The following ORMDL1 variants were observed in gnomAD, a reference collection of about 807,000 sequenced individuals.
ORMDL1 encodes the protein ORM1-like protein 1.
Under a neutral mutation model 13.0 loss-of-function variants are expected in ORMDL1, and 10 were observed. The ratio of observed to expected loss-of-function variants is 0.77; its 90% confidence interval spans 0.47 to 1.30. ORMDL1 has a LOEUF of 1.30. Ranked by LOEUF, ORMDL1 falls within the 50% of genes most tolerant of loss-of-function variation. The pLI is 0.00. For synonymous variants in ORMDL1, 61 were observed against 63.9 expected (o/e 0.95, Z 0.22); for missense variants, 171 against 186.7 (o/e 0.92, Z 0.49).
At chr2:189,769,801 AG>A (rs745867300), downstream of ORMDL1, among the ~76,000 whole-genome samples, 17 of 152,210 alleles carry the variant, frequency 1.1e-4, no homozygotes, top group Non-Finnish European at 2.5e-4. Flanking sequence ...AATCATCACT[AG>A]AACTCCACAA....
At chr2:189,766,118 C>T (rs545297254), downstream of ORMDL1, among the ~76,000 whole-genome samples, 14 of 152,310 alleles carry the variant, frequency 9.2e-5, no homozygotes, top group African/African-American at 3.4e-4. Flanking sequence ...AGCCACCACG[C>T]CCAGCCCATC....
downstream of ORMDL1, among the ~76,000 whole-genome samples, chr2:189,767,583 T>A (rs969525912): frequency 1.1e-4 from 17 of 152,336 alleles, no homozygotes; most frequent in African/African-American, 4.1e-4. Context: ...CTTAAAACTA[T>A]TTTACAATGT....
At chr2:189,768,763 A>G (rs1384255492), downstream of ORMDL1, among the ~76,000 whole-genome samples, 1 of 152,154 alleles carries the variant, frequency 6.6e-6, no homozygotes, top group Non-Finnish European at 1.5e-5. Context: ...ATATCTGATC[A>G]CCTCTTGTAT....
chr2:189,769,414 A>AGG (rs2047535341), downstream of ORMDL1, among the ~76,000 whole-genome samples: 1 of 151,660 alleles, frequency 6.6e-6, no homozygotes, highest in Non-Finnish European at 1.5e-5. Flanking sequence ...AAGTTAAGGC[A>AGG]GGGGGTTGAA....
In ORMDL1 at chr2:189,771,798, C is replaced by T. The variant is rs1185700512; in HGVS notation, c.431G>A (p.Gly144Asp). The change falls in exon 5 of 5, where the codon GGT becomes GAT. Residue 144 changes from glycine to aspartate, a missense_variant. Physicochemically the swap from Gly to Asp is moderately conservative, Grantham distance 94. Coordinates refer to ENST00000392349, the MANE Select transcript of ORMDL1 (RefSeq NM_016467.5). The stretch of plus-strand genomic sequence containing the variant: ...CTTATTAATTCCAAAGATCCGAACA[C>T]CATGTAGTTGTGGCATTTTGGGAAT... ...VLIPKMPQLH[G>D]VRIFGINKY 19 of 1,610,746 alleles carry T rather than the reference C, an allele frequency of 1.2e-5. No homozygotes were observed. Among genetic ancestry groups the T allele is most frequent in the African/African-American group, 2.7e-5 (2 of 74,668 alleles).
chr2:189,773,696 T>C lies in ORMDL1; in HGVS notation c.327-1794A>G, dbSNP rs189798339. ...AAGATTATGCCACTGCACTCCGGCC[T>C]GGGCAGCAGAGCAAGACTCTTGTCT... On this transcript the variant is annotated intron_variant, in intron 4 of 4. Coordinates refer to ENST00000392349, the MANE Select transcript of ORMDL1 (RefSeq NM_016467.5). 6.8e-4 allele frequency among the ~76,000 whole-genome samples: 68 copies of C among 99,444 alleles called. 1 individual carries two copies. In the East Asian group the frequency reaches 0.018, roughly 26 times the overall value. 65.2% of individuals were successfully genotyped at this position (99,444 alleles called of 152,430 possible).
intron 1 of ORMDL1, among the ~76,000 whole-genome samples, chr2:189,783,909 G>T (rs547697253): frequency 6.6e-6 from 1 of 152,254 alleles, no homozygotes; most frequent in East Asian, 1.9e-4. Flanking sequence ...TGCCCTCGCC[G>T]GTGCCTCCGA....
intron 4 of ORMDL1, 129 bp downstream of exon 4, chr2:189,775,436 T>C (rs1162032903): frequency 9.9e-7 from 1 of 1,005,612 alleles, no homozygotes; most frequent in Non-Finnish European, 1.4e-6. Context: ...ATATTTTATG[T>C]TCTATCCGAG....
intron 3 of ORMDL1, among the ~76,000 whole-genome samples, chr2:189,776,377 CAT>C (rs1315943424): frequency 1.3e-5 from 2 of 152,044 alleles, no homozygotes; most frequent in African/African-American, 2.4e-5. Context: ...TCTGTCAGAT[CAT>C]ATGTCTAAAC....
At chr2:189,764,180 G>C in the ORMDL1 span, 2 of 152,162 alleles carry the variant, frequency 1.3e-5, no homozygotes, top group African/African-American at 4.8e-5. Context: ...AGGGAAAAAA[G>C]AAAAATTAAA....
intron 4 of ORMDL1, among the ~76,000 whole-genome samples, chr2:189,773,211 G>A (rs1200629979): frequency 6.6e-6 from 1 of 152,142 alleles, no homozygotes; most frequent in Non-Finnish European, 1.5e-5. Context: ...AATTTTGTGT[G>A]TAGATTATAT....
At chr2:189,783,540 G>C (rs763755297) in intron 1 of ORMDL1, 1 of 152,260 alleles carries the variant, frequency 6.6e-6, no homozygotes, top group Admixed American at 6.5e-5. Context: ...AATGTTTCCG[G>C]AGTATAATGC....
chr2:189,782,092 G>A (rs950410874), intron 3 of ORMDL1, among the ~76,000 whole-genome samples: 2 of 151,970 alleles, frequency 1.3e-5, no homozygotes, highest in Non-Finnish European at 2.9e-5. Flanking sequence ...ACAGGCATGC[G>A]CCACCATGCC....
At position 189,770,343 on chromosome 2, in the gene ORMDL1, A is replaced by C. The variant is rs192928152; in HGVS notation, c.*1424T>G. ...TGAAATAATATTACACCAACGAAAA[A>C]TTTTATTAAATTATAGATCACCAGT... is the stretch of plus-strand genomic sequence containing the variant. On this transcript the variant is annotated 3_prime_UTR_variant, in exon 5 of 5. Transcript: ENST00000392349. 6.6e-6 allele frequency: 1 copy of C among 152,312 alleles called. No homozygotes were observed. Among genetic ancestry groups the C allele is most frequent in the East Asian group, 1.9e-4 (1 of 5,186 alleles). 9.4% of individuals were successfully genotyped at this position (152,312 alleles called of 1,614,324 possible).
At chr2:189,772,739 C>T (rs2047606362) in intron 4 of ORMDL1, among the ~76,000 whole-genome samples, 1 of 152,146 alleles carries the variant, frequency 6.6e-6, no homozygotes, top group South Asian at 2.1e-4. Context: ...TAGGTCTTTG[C>T]AGTACGCAAG....
At chr2:189,776,734 T>C (rs2047705881) in intron 3 of ORMDL1, among the ~76,000 whole-genome samples, 1 of 152,150 alleles carries the variant, frequency 6.6e-6, no homozygotes, top group South Asian at 2.1e-4. Context: ...TTAGCTACAA[T>C]AACACGTAAG....
intron 3 of ORMDL1, among the ~76,000 whole-genome samples, chr2:189,776,660 C>G (rs2047703956): frequency 6.6e-6 from 1 of 152,026 alleles, no homozygotes; most frequent in African/African-American, 2.4e-5. Context: ...CCAACTTAAC[C>G]AAGCCCTTCC....
At chr2:189,767,071 T>G (rs866509770), downstream of ORMDL1, among the ~76,000 whole-genome samples, 5 of 152,358 alleles carry the variant, frequency 3.3e-5, no homozygotes, top group Middle Eastern at 0.01. Context: ...AACATAGATG[T>G]ACAAATTATC....
downstream of ORMDL1, among the ~76,000 whole-genome samples, chr2:189,765,839 A>ATTTT (rs72132150): frequency 3.6e-4 from 38 of 106,726 alleles, no homozygotes; most frequent in South Asian, 6.1e-4. Flanking sequence ...TACTTTCTCC[A>ATTTT]TTTTTTTTTT....
Sources: gnomAD v4.1 joint callset for allele counts (sites outside exome capture counted in the v4.1 genomes callset) on GRCh38, gnomAD v4.1.1 for gene constraint, MANE v1.5 for transcripts, NCBI Gene and HGNC (gene_info 2026-07-23, HGNC 2026-07-21) for gene names.